Variants in MYH7 observed in about 807,000 individuals in gnomAD.
MYH7 encodes the protein myosin-7.
Under a neutral mutation model 225.4 loss-of-function variants are expected in MYH7, and 129 were observed. The observed-to-expected ratio is 0.57, with a 90% confidence interval of 0.50 to 0.66. The LOEUF (loss-of-function observed/expected upper bound fraction) is 0.66. Among genes scored for constraint, MYH7 ranks in the 30% least tolerant of loss-of-function variants. The pLI is 0.00. For synonymous variants in MYH7, 971 were observed against 1,007.6 expected (o/e 0.96, Z 0.69); for missense variants, 1,649 against 2,517.0 (o/e 0.66, Z 7.38).
Position 23,426,088 on chromosome 14 carries a change from C to T in MYH7, c.2045-7G>A. The T allele has an allele frequency of 6.2e-7, 1 of 1,614,026 alleles. No homozygotes were observed. The highest frequency in any genetic ancestry group is 8.5e-7 in the Non-Finnish European group (1 of 1,179,960). On this transcript the variant is annotated splice_polypyrimidine_tract_variant and splice_region_variant and intron_variant, in intron 18 of 39. Transcript: ENST00000355349. The stretch of plus-strand genomic sequence containing the variant: ...AGGGGGTTGTCCATCACCCCTGTGG[C>T]AAGAAGGAAGTAGGAGGAGTCTGTG...
At position 23,413,949 on chromosome 14, in the gene MYH7, T is replaced by G; in HGVS notation, c.5656-56A>C. 3 of 1,614,164 alleles carry G rather than the reference T, an allele frequency of 1.9e-6. No homozygotes were observed. The Admixed American group carries it at 5.0e-5, about 27-fold the overall frequency. On this transcript the variant is annotated intron_variant, in intron 38 of 39. Coordinates refer to ENST00000355349, the MANE Select transcript of MYH7 (RefSeq NM_000257.4). The stretch of plus-strand genomic sequence containing the variant: ...GGGCCTGGGTTCTCAGACTCCTGGC[T>G]TGGGGGACGAGCTCTCCTATGCCTC...
rs1331556904 is a variant in MYH7 at position 23,434,495 on chromosome 14, G to A, written c.-64-246C>T. ...GAACCCTAATCCTCTTCACTCCTGC[G>A]AGATGGTCCCACCCCTGCCTGTACC... On this transcript the variant is annotated intron_variant, in intron 1 of 39. Transcript: ENST00000355349. 3.3e-5 allele frequency among the ~76,000 whole-genome samples: 5 copies of A among 152,130 alleles called. No individual in the cohort carries two copies. The East Asian group carries it at 7.7e-4, about 23-fold the overall frequency.
intron 30 of MYH7, 50 bp from the exon 31 acceptor site, chr14:23,417,736 G>A (rs768581466): frequency 1.2e-5 from 19 of 1,600,678 alleles, no homozygotes; most frequent in Admixed American, 3.4e-5. Flanking sequence ...GGTGTGGATG[G>A]GGACAAGAGG....
At position 23,431,870 on chromosome 14, in the gene MYH7, C is replaced by T; in HGVS notation, c.531-1G>A. ...TGTCTTCCCTGCTCCGGATTCTCCG[C>T]TGTGAAGACAGGGGCTTATTGGGCA... On this transcript the variant is annotated splice_acceptor_variant, in intron 6 of 39. Coordinates refer to ENST00000355349, the MANE Select transcript of MYH7 (RefSeq NM_000257.4). LOFTEE classifies it high-confidence loss of function. 6.2e-7 allele frequency: 1 copy of T among 1,614,158 alleles called. No individual in the cohort carries two copies. Among genetic ancestry groups the T allele is most frequent in the Non-Finnish European group, 8.5e-7 (1 of 1,179,952 alleles).
intron 28 of MYH7, 29 bp downstream of exon 28, chr14:23,419,454 G>T: frequency 6.2e-7 from 1 of 1,613,392 alleles, no homozygotes; most frequent in Non-Finnish European, 8.5e-7. Flanking sequence ...ACTGTGGTGG[G>T]AACCATGGAG....
At chr14:23,431,901 C>T (rs1162450239) in intron 6 of MYH7, 32 bp from the exon 7 acceptor site, 5 of 1,602,638 alleles carry the variant, frequency 3.1e-6, no homozygotes, top group African/African-American at 1.3e-5. Context: ...GGGCAGTGAA[C>T]AATACTACTG....
Position 23,423,609 on chromosome 14 carries a change from C to A in MYH7, c.3037G>T (p.Glu1013Ter). The A allele has an allele frequency of 6.2e-7, 1 of 1,614,090 alleles. No homozygotes were observed. ...HQQALDDLQA[E>*]EDKVNTLTKA... ...GTCAGGGTGTTGACCTTGTCCTCCT[C>A]GGCCTGAAGGTCATCCAGAGCCTGT... Residue 1013 changes from glutamate (E) to a stop codon, truncating the protein, a stop_gained, in exon 24 of 40, where the codon GAG (glutamate) becomes TAG (stop). Coordinates refer to ENST00000355349, the MANE Select transcript of MYH7 (RefSeq NM_000257.4). LOFTEE classifies it high-confidence loss of function.
chr14:23,420,289 C>T, intron 26 of MYH7, 55 bp from the exon 27 acceptor site: 4 of 1,588,826 alleles, frequency 2.5e-6, no homozygotes, highest in Non-Finnish European at 3.4e-6. Flanking sequence ...ACTGGAATCC[C>T]CCCGGCTCTA....
rs371855540 is a variant in MYH7 at position 23,415,095 on chromosome 14, C to T, written c.5459G>A (p.Arg1820Gln). Residue 1820 changes from arginine (R) to glutamine (Q), a missense_variant, in exon 37 of 40, where the codon CGG becomes CAG. Transcript: ENST00000355349. This position sits in a 1 kb window ranked among gnomAD's most constrained non-coding sequence, Gnocchi z 6.3. ...KQLQKLEARVRELENELEAEQ... is the reference protein window; with the variant it reads ...KQLQKLEARVQELENELEAEQ... ...GGCCTCCAGCTCATTCTCCAGCTCC[C>T]GCACCCGCGCTTCCAGCTTCTGCAG... 30 of 1,613,876 alleles carry T rather than the reference C, an allele frequency of 1.9e-5. No individual in the cohort carries two copies. Among genetic ancestry groups the T allele is most frequent in the Non-Finnish European group, 2.3e-5 (27 of 1,180,056 alleles).
chr14:23,429,170 A>G (rs937338178), intron 13 of MYH7, 59 bp downstream of exon 13: 16 of 1,613,638 alleles, frequency 9.9e-6, no homozygotes, highest in Admixed American at 1.7e-5. Context: ...GAAAACTCTC[A>G]TCCCACCATG....
rs749692719 is a variant in MYH7, at chr14:23,434,231, G to A, written c.-46C>T. 1.9e-5 allele frequency: 19 copies of A among 1,017,812 alleles called. No homozygotes were observed. The highest frequency in any genetic ancestry group is 2.2e-5 in the Non-Finnish European group (19 of 848,522). The allele number at this position is 1,017,812 out of a possible 1,614,324, so 63.0% of individuals were successfully genotyped here. ...AGTGTGTCTACAGATGAGGAAAGGG[G>A]CCAAGGCCTGCAGGGGACCTGGAGA... is the stretch of plus-strand genomic sequence containing the variant. On this transcript the variant is annotated 5_prime_UTR_variant, in exon 2 of 40. Transcript: ENST00000355349.
At chr14:23,430,533 C>T (rs778788035) in intron 11 of MYH7, 27 bp downstream of exon 11, 4 of 1,580,486 alleles carry the variant, frequency 2.5e-6, no homozygotes, top group Non-Finnish European at 3.5e-6. Flanking sequence ...ATCCTCCCAC[C>T]CCCTGGCTGG....
intron 18 of MYH7, 88 bp downstream of exon 18, chr14:23,426,689 T>C: frequency 8.2e-7 from 1 of 1,226,440 alleles, no homozygotes; most frequent in South Asian, 1.2e-5. Flanking sequence ...GAAACCACTG[T>C]GGTGGTAGGT....
In MYH7 at chr14:23,417,012, A is replaced by G; in HGVS notation, c.4520-20T>C. On this transcript the variant is annotated intron_variant, in intron 32 of 39. Coordinates refer to ENST00000355349, the MANE Select transcript of MYH7 (RefSeq NM_000257.4). ...TCTCCTCTGTGTGGGGAACACGGTA[A>G]CTCGGTTGAGGGCTGCTGAGGTCCA... 6.2e-7 allele frequency: 1 copy of G among 1,614,182 alleles called. No homozygotes were observed. The highest frequency in any genetic ancestry group is 8.5e-7 in the Non-Finnish European group (1 of 1,180,034).
rs45467397 is a variant in MYH7, at chr14:23,419,476, G to A, written c.3853+7C>T. On this transcript the variant is annotated splice_region_variant and intron_variant, in intron 28 of 39. Coordinates refer to ENST00000355349, the MANE Select transcript of MYH7 (RefSeq NM_000257.4). ...TGGGAACCATGGAGCCCCTGCTCTA[G>A]GCTCACCATTCTCGGTTTGCAACTT... 5,722 of 1,613,940 alleles carry A rather than the reference G, an allele frequency of 3.5e-3. 16 individuals are homozygous for A. Among genetic ancestry groups the A allele is most frequent in the Non-Finnish European group, 4.5e-3 (5,315 of 1,180,002 alleles).
chr14:23,429,176 C>A (rs45521831), intron 13 of MYH7, 53 bp downstream of exon 13: 957 of 1,613,724 alleles, frequency 5.9e-4, no homozygotes, highest in Non-Finnish European at 7.8e-4. Flanking sequence ...TCTCATCCCA[C>A]CATGCCAGTC....
chr14:23,426,628 G>T, intron 18 of MYH7, 149 bp downstream of exon 18: 1 of 734,928 alleles, frequency 1.4e-6, no homozygotes, highest in Non-Finnish European at 2.4e-6. Context: ...CGCTGAGAGG[G>T]AGGTACCCTG....
rs899651288 is a variant in MYH7, at chr14:23,429,681, A to C, written c.1138+94T>G. The C allele has an allele frequency of 6.0e-4, 925 of 1,550,924 alleles. 3 individuals carry two copies. Among genetic ancestry groups the C allele is most frequent in the Middle Eastern group, 5.2e-3 (22 of 4,236 alleles). ...ACAGAGCAAGACTCCATCTCAAAAAAAAAAAAAAAAGAAAAAAGAGAAGAG... is the reference window on the plus strand; with the variant it reads ...ACAGAGCAAGACTCCATCTCAAAAACAAAAAAAAAAGAAAAAAGAGAAGAG... On this transcript the variant is annotated intron_variant, in intron 12 of 39. Transcript: ENST00000355349.
chr14:23,418,450 T>A (rs571350514), intron 29 of MYH7, 44 bp from the exon 30 acceptor site: 1 of 1,563,362 alleles, frequency 6.4e-7, no homozygotes, highest in Non-Finnish European at 8.6e-7. Context: ...GCTTTCTCCA[T>A]AAAGCAACCC....
Sources: gnomAD v4.1 joint callset for allele counts (sites outside exome capture counted in the v4.1 genomes callset) on GRCh38, gnomAD v4.1.1 for gene constraint, Gnocchi (gnomAD v3.1) non-coding constraint, MANE v1.5 for transcripts, NCBI Gene and HGNC (gene_info 2026-07-23, HGNC 2026-07-21) for gene names.